SPOCK3: variants seen among roughly 807,000 people sequenced by gnomAD.
SPOCK3 encodes the protein SPARC (osteonectin), cwcv and kazal like domains proteoglycan 3.
In SPOCK3, 30 loss-of-function variants were observed where a neutral mutation model predicts 56.6. The ratio of observed to expected loss-of-function variants is 0.53; its 90% confidence interval spans 0.40 to 0.72. The LOEUF (loss-of-function observed/expected upper bound fraction) is 0.72. Among genes scored for constraint, SPOCK3 ranks in the 30% least tolerant of loss-of-function variants. The pLI, the probability that SPOCK3 is intolerant of heterozygous loss-of-function variation, is 0.00. For synonymous variants in SPOCK3, 196 were observed against 183.3 expected (o/e 1.07, Z -0.56); for missense variants, 527 against 530.0 (o/e 0.99, Z 0.06).
chr4:167,053,095 T>A (rs1421626087), intron 3 of SPOCK3, among the ~76,000 whole-genome samples: 3 of 152,182 alleles, frequency 2.0e-5, no homozygotes, highest in Non-Finnish European at 4.4e-5. Flanking sequence ...GTGAGACGTT[T>A]TGCAAATGGA....
intron 2 of SPOCK3, among the ~76,000 whole-genome samples, chr4:167,199,910 T>C (rs1733357688): frequency 6.6e-6 from 1 of 151,194 alleles, no homozygotes; most frequent in South Asian, 2.1e-4. Context: ...AATAAAAAAA[T>C]ATGTAATTAC....
chr4:167,185,906 G>A (rs1731909005), intron 2 of SPOCK3, among the ~76,000 whole-genome samples: 1 of 152,084 alleles, frequency 6.6e-6, no homozygotes, highest in African/African-American at 2.4e-5. Flanking sequence ...GACAACTACT[G>A]TATTACAGAA....
intron 3 of SPOCK3, among the ~76,000 whole-genome samples, chr4:167,049,701 A>G (rs535372769): frequency 6.6e-6 from 1 of 152,326 alleles, no homozygotes; most frequent in East Asian, 1.9e-4. Flanking sequence ...ATCAGACATT[A>G]GAGGCAGTCA....
intron 5 of SPOCK3, among the ~76,000 whole-genome samples, chr4:166,910,663 C>A (rs2127091618): frequency 6.6e-6 from 1 of 152,210 alleles, no homozygotes; most frequent in South Asian, 2.1e-4. Flanking sequence ...GGATCACCTG[C>A]TAGGAGCAAC....
chr4:166,743,440 C>T (rs2318485), intron 8 of SPOCK3, among the ~76,000 whole-genome samples: 120,033 of 151,958 alleles, frequency 0.79, 47,649 homozygotes, highest in South Asian at 0.82. Context: ...CTTGCAGAAT[C>T]TAAAAAAAAA....
intron 6 of SPOCK3, among the ~76,000 whole-genome samples, chr4:166,887,695 G>C (rs1734342796): frequency 6.6e-6 from 1 of 151,982 alleles, no homozygotes; most frequent in Non-Finnish European, 1.5e-5. Context: ...GTTAAACTTA[G>C]ACTGGGGCAT....
chr4:166,968,583 TG>T (rs1745011116), intron 4 of SPOCK3, among the ~76,000 whole-genome samples: 1 of 152,210 alleles, frequency 6.6e-6, no homozygotes, highest in African/African-American at 2.4e-5. Flanking sequence ...CATGTGATGT[TG>T]GGCATGCAGG....
At chr4:167,026,862 G>A (rs1451020702) in intron 3 of SPOCK3, among the ~76,000 whole-genome samples, 1 of 89,772 alleles carries the variant, frequency 1.1e-5, no homozygotes, top group Non-Finnish European at 2.3e-5. Context: ...TTTTATTTTT[G>A]AACTCATGTA....
At position 167,045,275 on chromosome 4, in the gene SPOCK3, C is replaced by T. The variant is rs537292484; in HGVS notation, c.235+17217G>A. 9.2e-5 allele frequency among the ~76,000 whole-genome samples: 14 copies of T among 152,070 alleles called. No individual in the cohort carries two copies. In the South Asian group the frequency reaches 2.3e-3, roughly 25 times the overall value. ...TCTATCCATTCACTTTTAATCTATA[C>T]GTAGCTTTAAATTTAAAGTCGGTTC... On this transcript the variant is annotated intron_variant, in intron 3 of 10. Coordinates refer to ENST00000357545, the MANE Select transcript of SPOCK3 (RefSeq NM_001040159.2).
intron 2 of SPOCK3, among the ~76,000 whole-genome samples, chr4:167,179,714 C>T (rs1208403751): frequency 6.6e-6 from 1 of 152,070 alleles, no homozygotes; most frequent in Non-Finnish European, 1.5e-5. Flanking sequence ...AATGATACCG[C>T]ATTATATTAA....
chr4:167,145,859 C>T (rs1478948206), intron 2 of SPOCK3, among the ~76,000 whole-genome samples: 1 of 152,082 alleles, frequency 6.6e-6, no homozygotes, highest in African/African-American at 2.4e-5. Flanking sequence ...CAAAAACATA[C>T]CAAATTATAA....
chr4:167,223,020 T>C lies in SPOCK3; in HGVS notation c.189+10965A>G, dbSNP rs1223316147. ...TATGAATATATATTTTATATATGAA[T>C]ATATAATATATTATATTTTATATAT... On this transcript the variant is annotated intron_variant, in intron 2 of 10. Coordinates refer to ENST00000357545, the MANE Select transcript of SPOCK3 (RefSeq NM_001040159.2). 4.0e-5 allele frequency among the ~76,000 whole-genome samples: 5 copies of C among 124,126 alleles called. 1 individual carries two copies. The highest frequency in any genetic ancestry group is 7.9e-5 in the Non-Finnish European group (5 of 63,618). The allele number at this position is 124,126 out of a possible 152,430, so 81.4% of individuals were successfully genotyped here.
At chr4:167,030,529 A>G (rs1198460468) in intron 3 of SPOCK3, among the ~76,000 whole-genome samples, 1 of 152,042 alleles carries the variant, frequency 6.6e-6, no homozygotes, top group Non-Finnish European at 1.5e-5. Flanking sequence ...CAAGAAAATG[A>G]CATTCTGTAG....
chr4:167,144,022 T>C (rs1763738287), intron 2 of SPOCK3, among the ~76,000 whole-genome samples: 1 of 152,018 alleles, frequency 6.6e-6, no homozygotes, highest in African/African-American at 2.4e-5. Context: ...GCTCCAGGCA[T>C]GGAAGAAGTC....
intron 2 of SPOCK3, among the ~76,000 whole-genome samples, chr4:167,113,869 C>T (rs62352453): frequency 0.17 from 25,163 of 151,858 alleles, 2,553 homozygotes; most frequent in African/African-American, 0.26. Context: ...TTTGCTCCTT[C>T]ATTTGCTGCT....
At chr4:167,207,847 T>C (rs1011767336) in intron 2 of SPOCK3, among the ~76,000 whole-genome samples, 2 of 152,042 alleles carry the variant, frequency 1.3e-5, no homozygotes, top group Non-Finnish European at 2.9e-5. Flanking sequence ...ATTGTGCACA[T>C]GCACCCTAAA....
rs1561225549 is a variant in SPOCK3, at chr4:167,109,422, T to TGTATATTTATATATATTTATATATAA, written c.190-46886_190-46885insTTATATATAAATATATATAAATATAC. Among the ~76,000 whole-genome samples the TGTATATTTATATATATTTATATATAA allele has an allele frequency of 1.8e-3, 127 of 69,948 alleles. 4 individuals carry two copies. The highest frequency in any genetic ancestry group is 5.9e-3 in the African/African-American group (121 of 20,396). The allele number at this position is 69,948 out of a possible 152,430, so 45.9% of individuals were successfully genotyped here. On this transcript the variant is annotated intron_variant, in intron 2 of 10. Coordinates refer to ENST00000357545, the MANE Select transcript of SPOCK3 (RefSeq NM_001040159.2). ...ATTTATATATAAATATATATATAAA[T>TGTATATTTATATATATTTATATATAA]ATATATATGATAAATATATATTTAT...
intron 8 of SPOCK3, among the ~76,000 whole-genome samples, chr4:166,745,026 A>G (rs186727600): frequency 1.1e-4 from 16 of 152,314 alleles, no homozygotes; most frequent in African/African-American, 3.8e-4. Context: ...TGTACGTGAA[A>G]GTGATGGGGA....
In SPOCK3 at chr4:166,742,014, C is replaced by T. The variant is rs1216589391; in HGVS notation, c.977G>A (p.Gly326Glu). The T allele has an allele frequency of 3.7e-6, 6 of 1,612,546 alleles. No individual in the cohort carries two copies. Among genetic ancestry groups the T allele is most frequent in the Non-Finnish European group, 5.1e-6 (6 of 1,179,062 alleles). ...TELSNIQKRQ[G>E]VKKLLGQYIP... ...TTACTCACCTAGGAGCTTCTTTACC[C>T]CTTGCCGCTTCTGAATATTGCTGAG... Residue 326 changes from glycine (G) to glutamate (E), a missense_variant, in exon 9 of 11, where the codon GGG becomes GAG. Transcript: ENST00000357545.
Sources: gnomAD v4.1 joint callset for allele counts (sites outside exome capture counted in the v4.1 genomes callset) on GRCh38, gnomAD v4.1.1 for gene constraint, MANE v1.5 for transcripts, NCBI Gene and HGNC (gene_info 2026-07-23, HGNC 2026-07-21) for gene names.